The following RABL2B variants were observed in gnomAD, a reference collection of about 807,000 sequenced individuals.
RABL2B encodes the protein RAB, member of RAS oncogene family like 2B, also known as rab-like protein 2B.
RABL2B carries 17 observed loss-of-function variants against 26.7 expected under a neutral mutation model. That is an observed-to-expected ratio of 0.64 (90% CI 0.44 to 0.95). RABL2B has a LOEUF of 0.95. RABL2B is among the 40% of genes least tolerant of loss of function. The pLI is 0.00. For missense variants in RABL2B, 170 were observed against 277.2 expected (o/e 0.61, Z 2.75); for synonymous variants, 70 against 103.9 (o/e 0.67, Z 1.99).
rs1318834282 is a variant in RABL2B, at chr22:50,767,644, A to T, written c.*1132T>A. On this transcript the variant is annotated 3_prime_UTR_variant, in exon 9 of 9. Transcript: ENST00000691320. The stretch of plus-strand genomic sequence containing the variant: ...AAGTACCAGAGAGGGGTGAACAGGC[A>T]TATCTGCTAGCTCTCCTCTTGCAGT... 2.7e-6 allele frequency: 1 copy of T among 375,876 alleles called. No individual in the cohort carries two copies. The highest frequency in any genetic ancestry group is 2.2e-5 in the African/African-American group (1 of 45,982). 23.3% of individuals were successfully genotyped at this position (375,876 alleles called of 1,614,324 possible).
At chr22:50,773,012 C>T (rs1479800901) in intron 5 of RABL2B, 27 of 1,273,004 alleles carry the variant, frequency 2.1e-5, no homozygotes, top group Non-Finnish European at 2.6e-5. Context: ...TGGCAGGCAC[C>T]TGCAGACACA....
intron 3 of RABL2B, 88 bp from the exon 4 acceptor site, chr22:50,776,837 C>G (rs1213420855): frequency 1.5e-5 from 23 of 1,486,150 alleles, no homozygotes; most frequent in Non-Finnish European, 2.1e-5. Context: ...GAAATGGATC[C>G]TCTCCCTCCT....
chr22:50,773,095 T>G (rs1555920132), intron 5 of RABL2B: 1 of 1,263,126 alleles, frequency 7.9e-7, no homozygotes, highest in Non-Finnish European at 1.0e-6. Flanking sequence ...ATGCAGCAGA[T>G]GCAGGAAGCA....
At chr22:50,780,807 A>G (rs1171545526) in intron 2 of RABL2B, 6 of 465,736 alleles carry the variant, frequency 1.3e-5, no homozygotes, top group Non-Finnish European at 2.7e-5. Context: ...GAGGCATATA[A>G]AGAGACTAGC....
At chr22:50,781,543 T>G (rs1202221665) in intron 2 of RABL2B, among the ~76,000 whole-genome samples, 2 of 152,028 alleles carry the variant, frequency 1.3e-5, no homozygotes, top group Non-Finnish European at 2.9e-5. Flanking sequence ...AAGGTGGGCC[T>G]GGAGTACTTG....
chr22:50,782,646 C>G (rs2086082697), intron 1 of RABL2B: 1 of 316,288 alleles, frequency 3.2e-6, no homozygotes, highest in African/African-American at 2.1e-5. Context: ...CTGTTTTACT[C>G]TCCTCACACC....
At chr22:50,776,476 G>A (rs1395307283) in intron 4 of RABL2B, among the ~76,000 whole-genome samples, 194 bp downstream of exon 4, 1 of 152,208 alleles carries the variant, frequency 6.6e-6, no homozygotes, top group Middle Eastern at 3.2e-3. Context: ...CAGAGGGCTG[G>A]GACTTGGCCC....
At position 50,783,602 on chromosome 22, in the gene RABL2B, C is replaced by T. The variant is rs1425392742; in HGVS notation, c.-155G>A. 6.5e-6 allele frequency: 1 copy of T among 153,082 alleles called. No homozygotes were observed. Among genetic ancestry groups the T allele is most frequent in the Non-Finnish European group, 1.5e-5 (1 of 68,724 alleles). 9.5% of individuals were successfully genotyped at this position (153,082 alleles called of 1,614,324 possible). On this transcript the variant is annotated 5_prime_UTR_variant, in exon 1 of 9. Coordinates refer to ENST00000691320, the MANE Select transcript of RABL2B (RefSeq NM_001130919.3). The stretch of plus-strand genomic sequence containing the variant: ...TCTGCGCGCTCTCGAACCACGCCCG[C>T]CGGCCCAGCTCGCGCCGCAGCGCAC...
Position 50,777,996 on chromosome 22 carries a change from G to A in RABL2B, c.108-15C>T. 5.0e-6 allele frequency: 8 copies of A among 1,614,048 alleles called. No homozygotes were observed. The highest frequency in any genetic ancestry group is 6.8e-6 in the Non-Finnish European group (8 of 1,180,008). On this transcript the variant is annotated splice_polypyrimidine_tract_variant and intron_variant, in intron 2 of 8. Transcript: ENST00000691320. ...TCTCCATGAGTCTGTAAGCAGAACA[G>A]GCAAGGTGGTCAGATGGCGTCTCCA...
chr22:50,778,661 A>T (rs1352761111), intron 2 of RABL2B, among the ~76,000 whole-genome samples: 1 of 149,958 alleles, frequency 6.7e-6, no homozygotes, highest in Non-Finnish European at 1.5e-5. Flanking sequence ...CCTCTGTTCT[A>T]GCCACTGGCC....
At chr22:50,776,327 GA>G (rs1480024137) in intron 4 of RABL2B, among the ~76,000 whole-genome samples, 1 of 152,204 alleles carries the variant, frequency 6.6e-6, no homozygotes, top group Non-Finnish European at 1.5e-5. Context: ...CAAACTGGCT[GA>G]GTAACAACCC....
At chr22:50,776,854 T>C (rs1366618969) in intron 3 of RABL2B, 105 bp from the exon 4 acceptor site, 1 of 1,467,996 alleles carries the variant, frequency 6.8e-7, no homozygotes, top group Non-Finnish European at 9.2e-7. Flanking sequence ...TCCTCTTCTC[T>C]TTGGAGTTAT....
At chr22:50,775,397 C>T (rs543719981) in intron 5 of RABL2B, among the ~76,000 whole-genome samples, 1 of 152,256 alleles carries the variant, frequency 6.6e-6, no homozygotes, top group East Asian at 1.9e-4. Flanking sequence ...TCAGTCCCAG[C>T]GTGCGCCCCC....
At chr22:50,782,504 G>A (rs1407725471) in intron 1 of RABL2B, among the ~76,000 whole-genome samples, 157 bp from the exon 2 acceptor site, 3 of 152,246 alleles carry the variant, frequency 2.0e-5, no homozygotes, top group Non-Finnish European at 4.4e-5. Context: ...TGACACACAG[G>A]CATCAATAAT....
At chr22:50,769,750 G>A (rs1279410659) in intron 6 of RABL2B, 155 bp downstream of exon 6, 2 of 864,156 alleles carry the variant, frequency 2.3e-6, no homozygotes, top group East Asian at 2.7e-5. Flanking sequence ...TTCTTTATAA[G>A]GTGGGAAGAA....
chr22:50,781,204 T>C (rs550568915), intron 2 of RABL2B, among the ~76,000 whole-genome samples: 397 of 151,490 alleles, frequency 2.6e-3, no homozygotes, highest in Admixed American at 4.3e-3. Flanking sequence ...ATTAGCTGGG[T>C]GTGGTGGCAG....
At chr22:50,774,228 G>A (rs1292851129) in intron 5 of RABL2B, among the ~76,000 whole-genome samples, 1 of 152,074 alleles carries the variant, frequency 6.6e-6, no homozygotes, top group Non-Finnish European at 1.5e-5. Context: ...GCCAACAATG[G>A]TGGCAACCTG....
intron 5 of RABL2B, chr22:50,771,937 A>C (rs2084251642): frequency 6.6e-6 from 1 of 151,766 alleles, no homozygotes; most frequent in African/African-American, 2.4e-5. Context: ...AGTAATTTTT[A>C]TGTTTTATTA....
At chr22:50,771,169 A>C (rs1314493140) in intron 5 of RABL2B, 1 of 151,692 alleles carries the variant, frequency 6.6e-6, no homozygotes, top group Non-Finnish European at 1.5e-5. Context: ...CGGCCTCCTC[A>C]GTAGCTGGGA....
Sources: gnomAD v4.1 joint callset for allele counts (sites outside exome capture counted in the v4.1 genomes callset) on GRCh38, gnomAD v4.1.1 for gene constraint, MANE v1.5 for transcripts, NCBI Gene and HGNC (gene_info 2026-07-23, HGNC 2026-07-21) for gene names.